NFIA: variants seen among roughly 807,000 people sequenced by gnomAD.
NFIA encodes nuclear factor 1 A-type.
In NFIA, 8 loss-of-function variants were observed where a neutral mutation model predicts 62.8. The ratio of observed to expected loss-of-function variants is 0.13; its 90% CI spans 0.07 to 0.23. The LOEUF (loss-of-function observed/expected upper bound fraction) is 0.23, where lower values mean the gene tolerates loss of function less well. Among genes scored for constraint, NFIA ranks in the 10% least tolerant of loss-of-function variants. The pLI is 1.00. For synonymous variants in NFIA, 235 were observed against 238.1 expected (o/e 0.99, Z 0.12); for missense variants, 410 against 642.1 (o/e 0.64, Z 3.91).
chr1:61,318,981 C>T (rs1041862035), intron 3 of NFIA, among the ~76,000 whole-genome samples: 1 of 152,142 alleles, frequency 6.6e-6, no homozygotes, highest in Admixed American at 6.5e-5. Flanking sequence ...GTAAATGAGT[C>T]ATAACCCAGT....
At chr1:61,319,456 A>G (rs1412813493) in intron 3 of NFIA, among the ~76,000 whole-genome samples, 1 of 152,088 alleles carries the variant, frequency 6.6e-6, no homozygotes, top group Non-Finnish European at 1.5e-5. Flanking sequence ...ACATTGTACA[A>G]ATGGTAGAAT....
intron 2 of NFIA, among the ~76,000 whole-genome samples, chr1:61,113,611 A>AG (rs1311349869): frequency 6.6e-6 from 1 of 151,108 alleles, no homozygotes; most frequent in African/African-American, 2.4e-5. Flanking sequence ...AAAAAAAAAA[A>AG]AAAAAGAGAA....
intron 3 of NFIA, among the ~76,000 whole-genome samples, chr1:61,293,283 C>T (rs189378376): frequency 1.3e-5 from 2 of 152,232 alleles, no homozygotes; most frequent in Admixed American, 1.3e-4. Context: ...AAGATATTTC[C>T]CAATCAATGG....
intron 3 of NFIA, among the ~76,000 whole-genome samples, chr1:61,293,383 A>T (rs1039575891): frequency 1.3e-5 from 2 of 152,226 alleles, no homozygotes; most frequent in African/African-American, 4.8e-5. Context: ...AAACAAAAGG[A>T]ACATTATGGG....
intron 3 of NFIA, among the ~76,000 whole-genome samples, chr1:61,322,431 G>T (rs1379260597): frequency 6.6e-6 from 1 of 152,190 alleles, no homozygotes; most frequent in African/African-American, 2.4e-5. Flanking sequence ...GTCATTCAGG[G>T]TCCCAGGTTC....
intron 2 of NFIA, among the ~76,000 whole-genome samples, chr1:61,176,668 A>T (rs2100555307): frequency 6.6e-6 from 1 of 152,264 alleles, no homozygotes; most frequent in East Asian, 1.9e-4. Context: ...ACTACAGTTA[A>T]CCTTAATCTT....
chr1:61,245,942 C>G (rs1165400671), intron 2 of NFIA, among the ~76,000 whole-genome samples: 1 of 152,042 alleles, frequency 6.6e-6, no homozygotes, highest in Middle Eastern at 3.2e-3. Flanking sequence ...GTGAAAAGTT[C>G]CAGGTGAAAT....
upstream of NFIA, chr1:61,082,001 G>A: frequency 6.5e-7 from 1 of 1,549,080 alleles, no homozygotes; most frequent in African/African-American, 1.4e-5. Flanking sequence ...GCGGTGGCCC[G>A]GGGGGTGCGG....
intron 1 of NFIA, among the ~76,000 whole-genome samples, chr1:61,087,814 A>G (rs1646244915): frequency 6.6e-6 from 1 of 152,200 alleles, no homozygotes; most frequent in Non-Finnish European, 1.5e-5. Context: ...AAGATTATAC[A>G]TTGTTATAAG....
intron 3 of NFIA, among the ~76,000 whole-genome samples, chr1:61,286,921 A>G (rs1211262490): frequency 6.6e-6 from 1 of 152,220 alleles, no homozygotes; most frequent in Non-Finnish European, 1.5e-5. Context: ...AACATTAAAT[A>G]TAACAGCCCT....
intron 10 of NFIA, among the ~76,000 whole-genome samples, chr1:61,434,878 A>T (rs896272136): frequency 6.6e-6 from 1 of 152,140 alleles, no homozygotes; most frequent in Non-Finnish European, 1.5e-5. Context: ...TAGACCAAAA[A>T]TCTGCTATCC....
chr1:61,286,117 A>T (rs1355061043), intron 3 of NFIA, among the ~76,000 whole-genome samples: 2 of 152,184 alleles, frequency 1.3e-5, no homozygotes, highest in African/African-American at 4.8e-5. Flanking sequence ...TAAGTAATTT[A>T]ACAGATCATT....
chr1:61,343,904 A>C (rs1217143200), intron 4 of NFIA, among the ~76,000 whole-genome samples: 1 of 152,206 alleles, frequency 6.6e-6, no homozygotes, highest in Non-Finnish European at 1.5e-5. Context: ...GAATTATAGC[A>C]GTCTATGTTC....
chr1:61,195,062 T>G, intron 2 of NFIA, among the ~76,000 whole-genome samples: 1 of 132,246 alleles, frequency 7.6e-6, no homozygotes, highest in East Asian at 2.9e-4. Context: ...CACCTCTTGT[T>G]GTATGTTATT....
intron 2 of NFIA, among the ~76,000 whole-genome samples, chr1:61,247,079 C>G (rs1406167660): frequency 6.6e-6 from 1 of 152,144 alleles, no homozygotes; most frequent in Non-Finnish European, 1.5e-5. Flanking sequence ...TCTGTTTTTG[C>G]ATTCATTCTT....
chr1:61,104,502 CT>C, intron 2 of NFIA, among the ~76,000 whole-genome samples: 1 of 152,060 alleles, frequency 6.6e-6, no homozygotes, highest in African/African-American at 2.4e-5. Context: ...TGTAAATCTT[CT>C]TTGTTTAATT....
chr1:61,219,232 A>G (rs75878548), intron 2 of NFIA, among the ~76,000 whole-genome samples: 1 of 111,932 alleles, frequency 8.9e-6, no homozygotes, highest in South Asian at 2.8e-4. Flanking sequence ...ACTCAGTCTC[A>G]AAAAAAAAAA....
At chr1:61,271,504 A>G (rs1657503162) in intron 2 of NFIA, among the ~76,000 whole-genome samples, 1 of 152,268 alleles carries the variant, frequency 6.6e-6, no homozygotes, top group Non-Finnish European at 1.5e-5. Context: ...AACAGTCTTA[A>G]GTAGGCCTTG....
At chr1:61,359,341 T>C in intron 6 of NFIA, 67 bp downstream of exon 6, 2 of 1,605,830 alleles carry the variant, frequency 1.2e-6, no homozygotes, top group South Asian at 1.1e-5. Context: ...TGGGGTCCCA[T>C]GCCACGCATA....
Sources: gnomAD v4.1 joint callset for allele counts (sites outside exome capture counted in the v4.1 genomes callset) on GRCh38, gnomAD v4.1.1 for gene constraint, MANE v1.5 for transcripts, NCBI Gene and HGNC (gene_info 2026-07-23, HGNC 2026-07-21) for gene names.